PIK3CA: variants seen among roughly 807,000 people sequenced by gnomAD.
PIK3CA encodes phosphatidylinositol 4,5-bisphosphate 3-kinase catalytic subunit alpha isoform.
PIK3CA carries 27 observed loss-of-function variants against 138.2 expected under a neutral mutation model. The ratio of observed to expected loss-of-function variants is 0.20; its 90% CI spans 0.14 to 0.27. PIK3CA has a LOEUF of 0.27. Among genes scored for constraint, PIK3CA ranks in the 10% least tolerant of loss-of-function variants. The pLI is 1.00. For synonymous variants in PIK3CA, 358 were observed against 413.2 expected (o/e 0.87, Z 1.62); for missense variants, 544 against 1,277.4 (o/e 0.43, Z 8.75).
At position 179,198,928 on chromosome 3, in the gene PIK3CA, G is replaced by C. The variant is rs2108385365; in HGVS notation, c.103G>C (p.Glu35Gln). Residue 35 changes from glutamate (E) to glutamine (Q), a missense_variant, in exon 2 of 21, where the codon GAA becomes CAA. Physicochemically the swap from Glu to Gln is conservative, Grantham distance 29 (BLOSUM62 2). This residue lies in a region of PIK3CA where 47 missense variants were observed against 84.0 expected (regional missense o/e 0.56). Coordinates refer to ENST00000263967, the MANE Select transcript of PIK3CA (RefSeq NM_006218.4). ...LLPNGMIVTL[E>Q]CLREATLITI... ...ACCAAATGGAATGATAGTGACTTTAGAATGCCTCCGTGAGGCTACATTAAT... is the reference window on the plus strand; with the variant it reads ...ACCAAATGGAATGATAGTGACTTTACAATGCCTCCGTGAGGCTACATTAAT... 6.2e-7 allele frequency: 1 copy of C among 1,612,080 alleles called. No individual in the cohort carries two copies. Among genetic ancestry groups the C allele is most frequent in the Non-Finnish European group, 8.5e-7 (1 of 1,178,818 alleles).
chr3:179,154,928 G>C (rs1723096913), intron 1 of PIK3CA, among the ~76,000 whole-genome samples: 1 of 152,106 alleles, frequency 6.6e-6, no homozygotes, highest in Admixed American at 6.6e-5. Context: ...ATGATGGCTA[G>C]CATTGCCATT....
intron 5 of PIK3CA, 117 bp from the exon 6 acceptor site, chr3:179,204,382 AAAAG>A (rs761789459): frequency 2.1e-5 from 11 of 522,962 alleles, no homozygotes; most frequent in Non-Finnish European, 3.6e-5. Flanking sequence ...ATATGTGAAA[AAAAG>A]GAGAACCAAG....
At chr3:179,188,216 C>G (rs1724041006) in intron 1 of PIK3CA, among the ~76,000 whole-genome samples, 1 of 152,172 alleles carries the variant, frequency 6.6e-6, no homozygotes, top group African/African-American at 2.4e-5. Flanking sequence ...TTTCCAGGTT[C>G]CTTGGTTACT....
At chr3:179,197,239 G>A (rs1478286081) in intron 1 of PIK3CA, among the ~76,000 whole-genome samples, 2 of 151,856 alleles carry the variant, frequency 1.3e-5, no homozygotes, top group African/African-American at 4.8e-5. Context: ...GGGTTTCACC[G>A]TGTTGGTCAG....
intron 20 of PIK3CA, among the ~76,000 whole-genome samples, chr3:179,231,398 T>A (rs758579209): frequency 6.6e-6 from 1 of 152,134 alleles, no homozygotes; most frequent in Admixed American, 6.6e-5. Flanking sequence ...GAGGCTGTAC[T>A]AATTTACATT....
At chr3:179,169,891 A>T (rs1403562123) in intron 1 of PIK3CA, among the ~76,000 whole-genome samples, 1 of 152,236 alleles carries the variant, frequency 6.6e-6, no homozygotes, top group African/African-American at 2.4e-5. Flanking sequence ...TAGCAGATTC[A>T]GTAGTTTGTT....
At chr3:179,163,593 A>G (rs1052459776) in intron 1 of PIK3CA, among the ~76,000 whole-genome samples, 1 of 152,320 alleles carries the variant, frequency 6.6e-6, no homozygotes, top group East Asian at 1.9e-4. Context: ...AGAGTTCTGC[A>G]AAAATTCAAT....
At chr3:179,215,250 C>T (rs190543886) in intron 9 of PIK3CA, among the ~76,000 whole-genome samples, 2 of 152,076 alleles carry the variant, frequency 1.3e-5, no homozygotes, top group Non-Finnish European at 2.9e-5. Flanking sequence ...TTAAAAGATA[C>T]GAGTCTCTTT....
At chr3:179,223,513 A>C (rs748434493) in intron 14 of PIK3CA, among the ~76,000 whole-genome samples, 1 of 152,182 alleles carries the variant, frequency 6.6e-6, no homozygotes, top group African/African-American at 2.4e-5. Context: ...GCCTCACTAG[A>C]CCACTTTCAC....
In PIK3CA at chr3:179,181,958, A is replaced by C. The variant is rs553892108; in HGVS notation, c.-76-16792A>C. Among the ~76,000 whole-genome samples the C allele has an allele frequency of 3.2e-4, 49 of 152,336 alleles. No homozygotes were observed. In the South Asian group the frequency reaches 8.1e-3, roughly 25 times the overall value. On this transcript the variant is annotated intron_variant, in intron 1 of 20. Transcript: ENST00000263967. ...ATCTCTGTAATTATAATTATTGGGC[A>C]CATACACAAAAGAGTTGTCCTTTAC...
At chr3:179,164,271 C>G (rs1723358246) in intron 1 of PIK3CA, among the ~76,000 whole-genome samples, 1 of 152,136 alleles carries the variant, frequency 6.6e-6, no homozygotes, top group African/African-American at 2.4e-5. Context: ...TTTCATCATT[C>G]ATCTGTGCAC....
Position 179,181,154 on chromosome 3 carries a change from A to C in PIK3CA, c.-76-17596A>C, listed in dbSNP as rs1205185183. Among the ~76,000 whole-genome samples the C allele has an allele frequency of 1.1e-4, 16 of 152,172 alleles. 2 individuals carry two copies. The highest frequency in any genetic ancestry group is 1.9e-4 in the Non-Finnish European group (13 of 67,980). On this transcript the variant is annotated intron_variant, in intron 1 of 20. Transcript: ENST00000263967. ...CCACACACCAGATATGGAGAGTAGTAAAAGCAGACAGATGGACAGTTCTGT... is the reference window on the plus strand; with the variant it reads ...CCACACACCAGATATGGAGAGTAGTCAAAGCAGACAGATGGACAGTTCTGT...
intron 1 of PIK3CA, among the ~76,000 whole-genome samples, chr3:179,156,242 C>A (rs560985361): frequency 6.6e-6 from 1 of 151,966 alleles, no homozygotes; most frequent in Non-Finnish European, 1.5e-5. Flanking sequence ...TTTTTGAAAC[C>A]GTTAGTGACT....
chr3:179,189,162 C>T (rs959374802), intron 1 of PIK3CA, among the ~76,000 whole-genome samples: 1 of 151,548 alleles, frequency 6.6e-6, no homozygotes, highest in African/African-American at 2.4e-5. Flanking sequence ...TGCAGTGAGC[C>T]GAAATCATGC....
intron 1 of PIK3CA, among the ~76,000 whole-genome samples, chr3:179,168,458 T>C (rs1235513465): frequency 1.3e-5 from 2 of 152,196 alleles, no homozygotes; most frequent in African/African-American, 4.8e-5. Flanking sequence ...TTGTCTAGTA[T>C]AGTTCTTTAC....
intron 1 of PIK3CA, among the ~76,000 whole-genome samples, chr3:179,193,780 T>C (rs1426862610): frequency 6.6e-6 from 1 of 152,252 alleles, no homozygotes. Flanking sequence ...TAGTAGTGAT[T>C]TGTCAGTATG....
intron 1 of PIK3CA, among the ~76,000 whole-genome samples, chr3:179,173,893 A>AT (rs1297156898): frequency 6.6e-6 from 1 of 151,500 alleles, no homozygotes; most frequent in African/African-American, 2.4e-5. Flanking sequence ...CACCTGGCTA[A>AT]TTTTTTGTAT....
At chr3:179,227,131 T>C (rs1408237138) in intron 17 of PIK3CA, among the ~76,000 whole-genome samples, 2 of 152,104 alleles carry the variant, frequency 1.3e-5, no homozygotes, top group Non-Finnish European at 2.9e-5. Flanking sequence ...ATTAGAAATA[T>C]TAATGGTTTT....
intron 5 of PIK3CA, 77 bp from the exon 6 acceptor site, chr3:179,204,426 A>G: frequency 1.5e-6 from 1 of 662,856 alleles, no homozygotes; most frequent in Non-Finnish European, 2.7e-6. Context: ...CCGTGGTTTT[A>G]TATTTGAGTC....
Sources: allele counts gnomAD v4.1 joint callset (sites outside exome capture counted in the v4.1 genomes callset), GRCh38; gene constraint gnomAD v4.1.1; regional missense constraint gnomAD v4.1.1; transcripts MANE v1.5; gene names NCBI Gene and HGNC (gene_info 2026-07-23, HGNC 2026-07-21).